ALK: variants seen among roughly 807,000 people sequenced by gnomAD.
ALK encodes ALK tyrosine kinase receptor.
ALK carries 74 observed loss-of-function variants against 163.1 expected under a neutral mutation model. The observed-to-expected ratio is 0.45, with a 90% CI of 0.38 to 0.55. ALK has a LOEUF of 0.55. Among genes scored for constraint, ALK ranks in the 20% least tolerant of loss-of-function variants. The pLI is 0.00. For synonymous variants in ALK, 960 were observed against 843.2 expected, an observed-to-expected ratio of 1.14 and a Z score of -2.40; for missense variants, 2,063 against 2,105.3, an observed-to-expected ratio of 0.98 and a Z score of 0.39.
chr2:29,621,303 C>T (rs1676032425), intron 3 of ALK, among the ~76,000 whole-genome samples: 1 of 151,570 alleles, frequency 6.6e-6, no homozygotes, highest in African/African-American at 2.4e-5. Flanking sequence ...TGTGGTTTTG[C>T]TATTGCAAAG....
intron 4 of ALK, among the ~76,000 whole-genome samples, chr2:29,476,592 A>G (rs1299292847): frequency 1.3e-5 from 2 of 152,048 alleles, no homozygotes; most frequent in African/African-American, 4.8e-5. Flanking sequence ...AGCACAGAAG[A>G]GGGAGTGAGT....
At chr2:29,877,890 G>A (rs1666764238) in intron 1 of ALK, among the ~76,000 whole-genome samples, 2 of 152,174 alleles carry the variant, frequency 1.3e-5, no homozygotes, top group Admixed American at 6.5e-5. Context: ...AGCAAAGGCA[G>A]GAAACCTCCT....
intron 4 of ALK, among the ~76,000 whole-genome samples, chr2:29,467,501 C>T (rs908007743): frequency 2.6e-5 from 4 of 152,032 alleles, no homozygotes; most frequent in African/African-American, 4.8e-5. Context: ...TGATGGAGTC[C>T]AAGTACATTC....
chr2:29,889,518 T>C (rs1190628564), intron 1 of ALK, among the ~76,000 whole-genome samples: 3 of 144,240 alleles, frequency 2.1e-5, no homozygotes, highest in East Asian at 3.9e-4. Context: ...GATGGATGGA[T>C]AGATAGATAG....
chr2:29,851,870 G>C (rs919085363), intron 1 of ALK, among the ~76,000 whole-genome samples: 9 of 152,244 alleles, frequency 5.9e-5, no homozygotes, highest in African/African-American at 2.2e-4. Flanking sequence ...AGCAGGCATA[G>C]ACTGCTCCTT....
intron 9 of ALK, among the ~76,000 whole-genome samples, chr2:29,278,956 C>T (rs963560270): frequency 6.3e-5 from 9 of 142,966 alleles, no homozygotes; most frequent in East Asian, 2.1e-4. Context: ...GGGGCTTGAG[C>T]GAGTAAATGA....
At position 29,920,000 on chromosome 2, in the gene ALK, G is replaced by T; in HGVS notation, c.660C>A (p.Phe220Leu). ...ASQPRLLFQI[F>L]GTGHSSLESP... is the part of the protein sequence containing the mutation. Reference sequence around the variant, plus strand: ...CAGGCGGGAGCTGCTCACCAGTCCCGAAGATCTGGAAGAGAAGGCGGGGCT... The same window carrying T: ...CAGGCGGGAGCTGCTCACCAGTCCCTAAGATCTGGAAGAGAAGGCGGGGCT... Residue 220 changes from phenylalanine to leucine, a missense_variant, in exon 1 of 29, where the codon TTC becomes TTA. This residue lies in a region of ALK where 987 missense variants were observed against 939.5 expected (regional missense o/e 1.05). Transcript: ENST00000389048. 6.2e-7 allele frequency: 1 copy of T among 1,613,748 alleles called. No individual in the cohort carries two copies. The highest frequency in any genetic ancestry group is 8.5e-7 in the Non-Finnish European group (1 of 1,179,762).
chr2:29,459,694 T>G (rs544095579), intron 4 of ALK, among the ~76,000 whole-genome samples: 1 of 152,088 alleles, frequency 6.6e-6, no homozygotes, highest in Non-Finnish European at 1.5e-5. Context: ...CTTGTGACAC[T>G]GAAGTAACAA....
At chr2:29,370,679 A>T (rs761934440) in intron 5 of ALK, among the ~76,000 whole-genome samples, 3 of 152,178 alleles carry the variant, frequency 2.0e-5, no homozygotes, top group Non-Finnish European at 2.9e-5. Flanking sequence ...CTTAGCTACC[A>T]TTGGCTGGCC....
intron 3 of ALK, among the ~76,000 whole-genome samples, chr2:29,618,708 C>T (rs111965803): frequency 2.1e-4 from 32 of 152,274 alleles, no homozygotes; most frequent in Admixed American, 1.0e-3. Flanking sequence ...TGGCCAGGTG[C>T]GGTGGCTCAT....
intron 4 of ALK, among the ~76,000 whole-genome samples, chr2:29,443,100 T>C (rs1235737328): frequency 6.6e-6 from 1 of 152,206 alleles, no homozygotes; most frequent in South Asian, 2.1e-4. Context: ...TCCTTTCCCA[T>C]CCCTGTGGCA....
At chr2:29,719,623 T>C (rs899304963) in intron 1 of ALK, among the ~76,000 whole-genome samples, 3 of 152,222 alleles carry the variant, frequency 2.0e-5, no homozygotes, top group Admixed American at 1.3e-4. Context: ...AATAAGTTTA[T>C]TTGTCCTCAT....
chr2:29,638,296 T>C (rs773835646), intron 3 of ALK, among the ~76,000 whole-genome samples: 14 of 152,210 alleles, frequency 9.2e-5, no homozygotes, highest in Non-Finnish European at 2.1e-4. Flanking sequence ...AGAACATGAC[T>C]GTACATCAAC....
intron 3 of ALK, among the ~76,000 whole-genome samples, chr2:29,572,803 C>T (rs1278158204): frequency 6.6e-6 from 1 of 152,162 alleles, no homozygotes; most frequent in Non-Finnish European, 1.5e-5. Context: ...GCCCCTCATC[C>T]ACCCATTCCT....
At chr2:29,917,840 T>A (rs996590864) in intron 1 of ALK, among the ~76,000 whole-genome samples, 11 of 152,216 alleles carry the variant, frequency 7.2e-5, no homozygotes, top group African/African-American at 2.7e-4. Flanking sequence ...TGCTGAAAAA[T>A]GCTTGGCCAA....
chr2:29,816,267 G>T (rs1664894811), intron 1 of ALK, among the ~76,000 whole-genome samples: 1 of 152,180 alleles, frequency 6.6e-6, no homozygotes, highest in Admixed American at 6.5e-5. Context: ...TCACCTGGGT[G>T]AGGGCTGGGT....
chr2:29,330,306 G>A (rs1317995859), intron 5 of ALK, among the ~76,000 whole-genome samples: 1 of 152,182 alleles, frequency 6.6e-6, no homozygotes, highest in Non-Finnish European at 1.5e-5. Context: ...GTGTGATGAT[G>A]CACCCCATAC....
intron 4 of ALK, among the ~76,000 whole-genome samples, chr2:29,388,592 T>A (rs1669088077): frequency 6.6e-6 from 1 of 152,214 alleles, no homozygotes; most frequent in South Asian, 2.1e-4. Context: ...AATGCCTAAC[T>A]TGCTGGATTG....
intron 4 of ALK, among the ~76,000 whole-genome samples, chr2:29,516,268 C>T (rs1020340075): frequency 1.3e-5 from 2 of 152,238 alleles, no homozygotes; most frequent in Non-Finnish European, 2.9e-5. Flanking sequence ...AGATCAGACA[C>T]TGCCTTTAGT....
Sources: allele counts gnomAD v4.1 joint callset (sites outside exome capture counted in the v4.1 genomes callset), GRCh38; gene constraint gnomAD v4.1.1; regional missense constraint gnomAD v4.1.1; transcripts MANE v1.5; gene names NCBI Gene and HGNC (gene_info 2026-07-23, HGNC 2026-07-21).